Variants in ANKRD44 observed in about 807,000 individuals in gnomAD.
The protein encoded by ANKRD44 is serine/threonine-protein phosphatase 6 regulatory ankyrin repeat subunit B.
A neutral mutation model predicts 116.0 loss-of-function variants in ANKRD44; 35 were observed. The observed-to-expected ratio is 0.30, with a 90% CI of 0.23 to 0.40. The LOEUF is 0.40. ANKRD44 is among the 10% of genes least tolerant of loss of function. The pLI is 1.00. For missense variants in ANKRD44, 1,014 were observed against 1,242.6 expected, an observed-to-expected ratio of 0.82 and a Z score of 2.77; for synonymous variants, 435 against 461.8, an observed-to-expected ratio of 0.94 and a Z score of 0.74.
At chr2:197,162,092 A>G (rs984746869) in intron 2 of ANKRD44, among the ~76,000 whole-genome samples, 1 of 152,292 alleles carries the variant, frequency 6.6e-6, no homozygotes, top group African/African-American at 2.4e-5. Context: ...AGACCCCATT[A>G]CTATTCGTGA....
At chr2:196,973,879 A>C (rs765210783) in intron 21 of ANKRD44, among the ~76,000 whole-genome samples, 28 of 152,148 alleles carry the variant, frequency 1.8e-4, no homozygotes, top group Non-Finnish European at 3.5e-4. Context: ...ACATCTCTAC[A>C]CTGAGACCCA....
chr2:197,306,571 C>G (rs2084081133), intron 1 of ANKRD44, among the ~76,000 whole-genome samples: 1 of 152,070 alleles, frequency 6.6e-6, no homozygotes. Context: ...CTAAATAAAG[C>G]CTTTCTTTTC....
At chr2:197,065,177 A>C (rs1412234387) in intron 16 of ANKRD44, among the ~76,000 whole-genome samples, 1 of 152,230 alleles carries the variant, frequency 6.6e-6, no homozygotes, top group Non-Finnish European at 1.5e-5. Context: ...CTACATGGAA[A>C]CTGAACAACC....
At chr2:197,263,786 G>C (rs1471073448) in intron 1 of ANKRD44, among the ~76,000 whole-genome samples, 1 of 68,124 alleles carries the variant, frequency 1.5e-5, no homozygotes, top group Admixed American at 1.6e-4. Context: ...GCTCCTAGCT[G>C]TCTCCCCAGG....
At chr2:197,052,467 C>T (rs903828565) in intron 16 of ANKRD44, among the ~76,000 whole-genome samples, 1 of 152,094 alleles carries the variant, frequency 6.6e-6, no homozygotes, top group Admixed American at 6.6e-5. Context: ...GGCTGTTTGG[C>T]AGAGGCTCAG....
At chr2:197,034,715 C>A (rs1253193458) in intron 16 of ANKRD44, among the ~76,000 whole-genome samples, 3 of 151,922 alleles carry the variant, frequency 2.0e-5, no homozygotes, top group African/African-American at 4.8e-5. Flanking sequence ...TAGCCTCCAC[C>A]AACCACCATG....
intron 10 of ANKRD44, among the ~76,000 whole-genome samples, chr2:197,093,826 C>T (rs1375683107): frequency 6.6e-6 from 1 of 152,192 alleles, no homozygotes; most frequent in African/African-American, 2.4e-5. Context: ...ATCACTCTTA[C>T]TTCATCAGGT....
intron 18 of ANKRD44, among the ~76,000 whole-genome samples, chr2:197,012,273 A>G (rs995669143): frequency 6.6e-6 from 1 of 152,188 alleles, no homozygotes; most frequent in African/African-American, 2.4e-5. Context: ...CACACTGGCA[A>G]ATGAGTGAAA....
intron 18 of ANKRD44, among the ~76,000 whole-genome samples, chr2:197,009,251 C>T (rs942596728): frequency 4.6e-5 from 7 of 151,672 alleles, no homozygotes; most frequent in African/African-American, 1.7e-4. Context: ...ACCACCATGC[C>T]TGGCTAATTT....
intron 16 of ANKRD44, among the ~76,000 whole-genome samples, chr2:197,036,239 C>T (rs546085530): frequency 2.0e-5 from 3 of 152,188 alleles, no homozygotes; most frequent in Admixed American, 6.5e-5. Flanking sequence ...TCTATAGTTG[C>T]GTAAGTCAAG....
chr2:197,090,075 A>C, intron 10 of ANKRD44, 43 bp from the exon 11 acceptor site: 1,760 of 1,418,868 alleles, frequency 1.2e-3, no homozygotes, highest in Non-Finnish European at 1.6e-3. Context: ...AACAGATCTC[A>C]AGATACATGC....
chr2:197,105,776 C>T (rs2125251184), intron 9 of ANKRD44, among the ~76,000 whole-genome samples: 1 of 152,246 alleles, frequency 6.6e-6, no homozygotes, highest in Admixed American at 6.5e-5. Context: ...AGGCAGCCAC[C>T]TCGTCCCCAC....
downstream of ANKRD44, among the ~76,000 whole-genome samples, chr2:196,986,351 G>A (rs1283564639): frequency 6.6e-6 from 1 of 150,846 alleles, no homozygotes; most frequent in Non-Finnish European, 1.5e-5. Flanking sequence ...GGAGGTCGAG[G>A]CTGCAGTGAG....
At chr2:197,305,956 CGCAGTTCGTTTT>C (rs2084055574) in intron 1 of ANKRD44, among the ~76,000 whole-genome samples, 2 of 119,490 alleles carry the variant, frequency 1.7e-5, no homozygotes, top group African/African-American at 7.7e-5. Context: ...CTATAATGAC[CGCAGTTCGTTTT>C]ATATATATAT....
In ANKRD44 at chr2:196,986,818, C is replaced by A; in HGVS notation, c.*2773G>T. The A allele has an allele frequency of 3.0e-6, 3 of 985,398 alleles. No individual in the cohort carries two copies. The highest frequency in any genetic ancestry group is 3.6e-6 in the Non-Finnish European group (3 of 829,918). 61.0% of individuals were successfully genotyped at this position (985,398 alleles called of 1,614,324 possible). A position where few individuals can be genotyped will look rare whatever the true frequency, so the allele number is the denominator to read the frequency against. ...GAGAAGATTCAGATTGTTTCAAAGTCATTCACTGAACTAAAAGTCATTTTC... is the reference window on the plus strand; with the variant it reads ...GAGAAGATTCAGATTGTTTCAAAGTAATTCACTGAACTAAAAGTCATTTTC... On this transcript the variant is annotated 3_prime_UTR_variant, in exon 28 of 28. Coordinates refer to ENST00000282272, the MANE Select transcript of ANKRD44 (RefSeq NM_001195144.2).
rs78594112 is a variant in ANKRD44 at position 197,030,396 on chromosome 2, A to T, written c.1651-5129T>A. Among the ~76,000 whole-genome samples the T allele has an allele frequency of 3.3e-3, 504 of 152,306 alleles. 4 individuals are homozygous for T. The highest frequency in any genetic ancestry group is 0.012 in the African/African-American group (487 of 41,576). On this transcript the variant is annotated intron_variant, in intron 16 of 27. Coordinates refer to ENST00000282272, the MANE Select transcript of ANKRD44 (RefSeq NM_001195144.2). ...TCTTTTAGCTTCCAGTGTAGAGGCC[A>T]TGAGTTTAGTGAGGATAGAGAAGCA...
chr2:197,022,279 G>A (rs911094508), intron 17 of ANKRD44, among the ~76,000 whole-genome samples: 4 of 152,150 alleles, frequency 2.6e-5, no homozygotes, highest in Non-Finnish European at 4.4e-5. Context: ...GGAATCCACC[G>A]TAATCACCCT....
In ANKRD44 at chr2:197,162,516, C is replaced by T. The variant is rs557564708; in HGVS notation, c.112-15411G>A. On this transcript the variant is annotated intron_variant, in intron 2 of 27. Coordinates refer to ENST00000282272, the MANE Select transcript of ANKRD44 (RefSeq NM_001195144.2). ...TGTAGAAGTGTGATGCTTTGAAATA[C>T]GGCACAAAACAACTCCCTCTTGAGA... is the stretch of plus-strand genomic sequence containing the variant. Among the ~76,000 whole-genome samples, 5 of 152,284 alleles carry T rather than the reference C, an allele frequency of 3.3e-5. No homozygotes were observed. The South Asian group carries it at 6.2e-4, about 19-fold the overall frequency.
At chr2:196,999,314 C>T (rs770859691) in intron 23 of ANKRD44, among the ~76,000 whole-genome samples, 1 of 152,068 alleles carries the variant, frequency 6.6e-6, no homozygotes, top group Non-Finnish European at 1.5e-5. Flanking sequence ...ACTCTTTAAT[C>T]TTAAGTTCCA....
Sources: allele counts gnomAD v4.1 joint callset (sites outside exome capture counted in the v4.1 genomes callset), GRCh38; gene constraint gnomAD v4.1.1; transcripts MANE v1.5; gene names NCBI Gene and HGNC (gene_info 2026-07-23, HGNC 2026-07-21).